Variants in RBM18 observed in about 807,000 individuals in gnomAD.
The protein encoded by RBM18 is RNA binding motif protein 18.
A neutral mutation model predicts 26.4 loss-of-function variants in RBM18; 18 were observed. The observed-to-expected ratio is 0.68, with a 90% CI of 0.47 to 1.01. RBM18 has a LOEUF of 1.01. Among genes scored for constraint, RBM18 ranks in the 50% least tolerant of loss-of-function variants. The pLI, the probability that RBM18 is intolerant of heterozygous loss-of-function variation, is 0.00. For synonymous variants in RBM18, 74 were observed against 81.1 expected (o/e 0.91, Z 0.47); for missense variants, 180 against 219.2 (o/e 0.82, Z 1.13).
intron 2 of RBM18, among the ~76,000 whole-genome samples, chr9:122,258,916 A>AC (rs1831741974): frequency 6.6e-6 from 1 of 151,504 alleles, no homozygotes; most frequent in South Asian, 2.1e-4. Flanking sequence ...GTCAAAAAAA[A>AC]AAAAAAAAAA....
chr9:122,255,885 G>A (rs1189948295), intron 2 of RBM18, among the ~76,000 whole-genome samples: 1 of 152,112 alleles, frequency 6.6e-6, no homozygotes, highest in Non-Finnish European at 1.5e-5. Context: ...TGTACTCCCA[G>A]CTACTCGGGA....
At position 122,241,667 on chromosome 9, in the gene RBM18, T is replaced by G; in HGVS notation, c.*217A>C. On this transcript the variant is annotated 3_prime_UTR_variant, in exon 6 of 6. Coordinates refer to ENST00000417201, the MANE Select transcript of RBM18 (RefSeq NM_033117.4). ...GAGCATCCCAGGGTTCAAATCACAATTTGGGATACAACGCTATTTATTCTG... is the reference window on the plus strand; with the variant it reads ...GAGCATCCCAGGGTTCAAATCACAAGTTGGGATACAACGCTATTTATTCTG... 1 of 425,526 alleles carries G rather than the reference T, an allele frequency of 2.4e-6. No individual in the cohort carries two copies. The allele number at this position is 425,526 out of a possible 1,614,324, so 26.4% of individuals were successfully genotyped here.
In RBM18 at chr9:122,261,449, A is replaced by G; in HGVS notation, c.44T>C (p.Ile15Thr). The change falls in exon 2 of 6, where the codon ATC (isoleucine) becomes ACC (threonine). Residue 15 changes from isoleucine (I) to threonine (T), a missense_variant. Coordinates refer to ENST00000417201, the MANE Select transcript of RBM18 (RefSeq NM_033117.4). ...TTCCTGCAGAGAGCCCTCTGAAAGGATGGATGCATTCTCCAGGGGAAGAGT... is the reference window on the plus strand; with the variant it reads ...TTCCTGCAGAGAGCCCTCTGAAAGGGTGGATGCATTCTCCAGGGGAAGAGT... ...TKTLPLENAS[I>T]LSEGSLQEGH... The G allele has an allele frequency of 1.2e-6, 2 of 1,614,196 alleles. No homozygotes were observed. The highest frequency in any genetic ancestry group is 1.7e-6 in the Non-Finnish European group (2 of 1,180,008).
intron 5 of RBM18, among the ~76,000 whole-genome samples, chr9:122,244,801 T>C (rs1314446808): frequency 6.6e-6 from 1 of 152,220 alleles, no homozygotes; most frequent in East Asian, 1.9e-4. Context: ...AACTAACAAT[T>C]TGTACAAACT....
intron 2 of RBM18, among the ~76,000 whole-genome samples, chr9:122,259,838 C>A (rs924269410): frequency 1.3e-5 from 2 of 152,024 alleles, no homozygotes; most frequent in Non-Finnish European, 2.9e-5. Context: ...GGACTACAGG[C>A]ATGCACCACC....
At chr9:122,250,068 T>TTAAAAAAAAAAA (rs777019914) in intron 3 of RBM18, among the ~76,000 whole-genome samples, 11 of 107,178 alleles carry the variant, frequency 1.0e-4, no homozygotes, top group Non-Finnish European at 1.4e-4. Context: ...AGACCTTATT[T>TTAAAAAAAAAAA]AAAAAAAAAA....
At chr9:122,254,165 A>G (rs191601915) in intron 2 of RBM18, 1 of 164,286 alleles carries the variant, frequency 6.1e-6, no homozygotes, top group East Asian at 1.9e-4. Context: ...CACGATTGGC[A>G]TTTCCTAAGA....
In RBM18 at chr9:122,240,051, A is replaced by G. The variant is rs1276339703; in HGVS notation, c.*1833T>C. On this transcript the variant is annotated 3_prime_UTR_variant, in exon 6 of 6. Coordinates refer to ENST00000417201, the MANE Select transcript of RBM18 (RefSeq NM_033117.4). Reference sequence around the variant, plus strand: ...TTCACACAGAGGGATAAGAATCAGTACAAATAATAAACAGTGCTTTAAATA... The same window carrying G: ...TTCACACAGAGGGATAAGAATCAGTGCAAATAATAAACAGTGCTTTAAATA... 1 of 152,270 alleles carries G rather than the reference A, an allele frequency of 6.6e-6. No homozygotes were observed. The allele number at this position is 152,270 out of a possible 1,614,324, so 9.4% of individuals were successfully genotyped here. A position where few individuals can be genotyped will look rare whatever the true frequency, so the allele number is the denominator to read the frequency against.
In RBM18 at chr9:122,264,790, G is replaced by C. The variant is rs1331571979; in HGVS notation, c.-92C>G. 6.6e-6 allele frequency: 1 copy of C among 152,362 alleles called. No individual in the cohort carries two copies. Among genetic ancestry groups the C allele is most frequent in the African/African-American group, 2.4e-5 (1 of 41,440 alleles). The allele number at this position is 152,362 out of a possible 1,614,324, so 9.4% of individuals were successfully genotyped here. Reference sequence around the variant, plus strand: ...GACGCCGCGGTCAGACGGACCTCTAGACGCGTCCGCCTCAATGCCGCCAGC... The same window carrying C: ...GACGCCGCGGTCAGACGGACCTCTACACGCGTCCGCCTCAATGCCGCCAGC... On this transcript the variant is annotated 5_prime_UTR_variant, in exon 1 of 6. Coordinates refer to ENST00000417201, the MANE Select transcript of RBM18 (RefSeq NM_033117.4).
chr9:122,242,197 C>T (rs1831432321), intron 5 of RBM18, among the ~76,000 whole-genome samples, 154 bp from the exon 6 acceptor site: 1 of 152,158 alleles, frequency 6.6e-6, no homozygotes. Context: ...CCAGAAATAA[C>T]TAATTCTCTC....
At chr9:122,242,109 C>A in intron 5 of RBM18, 66 bp from the exon 6 acceptor site, 1 of 1,493,878 alleles carries the variant, frequency 6.7e-7, no homozygotes, top group Non-Finnish European at 9.1e-7. Context: ...TGTACAGTTC[C>A]TCTCCTTGAG....
At chr9:122,255,842 C>T (rs1171869787) in intron 2 of RBM18, among the ~76,000 whole-genome samples, 2 of 151,984 alleles carry the variant, frequency 1.3e-5, no homozygotes, top group African/African-American at 4.8e-5. Context: ...CTCGTCTCTA[C>T]AAAAAAATTA....
chr9:122,257,142 C>G (rs1331763641), intron 2 of RBM18, among the ~76,000 whole-genome samples: 1 of 152,172 alleles, frequency 6.6e-6, no homozygotes, highest in Non-Finnish European at 1.5e-5. Context: ...GCGGCGCGAT[C>G]TCGGCTCACT....
rs1564453194 is a variant in RBM18, at chr9:122,240,096, T to C, written c.*1788A>G. The C allele has an allele frequency of 6.6e-6, 1 of 152,262 alleles. No individual in the cohort carries two copies. Among genetic ancestry groups the C allele is most frequent in the African/African-American group, 2.4e-5 (1 of 41,464 alleles). 9.4% of individuals were successfully genotyped at this position (152,262 alleles called of 1,614,324 possible). A position where few individuals can be genotyped will look rare whatever the true frequency, so the allele number is the denominator to read the frequency against. On this transcript the variant is annotated 3_prime_UTR_variant, in exon 6 of 6. Coordinates refer to ENST00000417201, the MANE Select transcript of RBM18 (RefSeq NM_033117.4). ...TAAATACAAATAAATAGCTCTGGTT[T>C]CTAAAGGAAACAACTCTATATATAA...
In RBM18 at chr9:122,250,068, T is replaced by TAAAAAA. The variant is rs59558933; in HGVS notation, c.240+1773_240+1778dup. On this transcript the variant is annotated intron_variant, in intron 3 of 5. Coordinates refer to ENST00000417201, the MANE Select transcript of RBM18 (RefSeq NM_033117.4). ...CTGGGTAACAGAGCAAGACCTTATT[T>TAAAAAA]AAAAAAAAAAAAGAATGCTAATTCT... Among the ~76,000 whole-genome samples, 16 of 107,160 alleles carry TAAAAAA rather than the reference T, an allele frequency of 1.5e-4. 5 individuals carry two copies. The highest frequency in any genetic ancestry group is 5.5e-4 in the East Asian group (2 of 3,662). The allele number at this position is 107,160 out of a possible 152,430, so 70.3% of individuals were successfully genotyped here. A position where few individuals can be genotyped will look rare whatever the true frequency, so the allele number is the denominator to read the frequency against.
intron 2 of RBM18, among the ~76,000 whole-genome samples, chr9:122,257,538 G>A (rs369415929): frequency 1.3e-5 from 2 of 152,152 alleles, no homozygotes; most frequent in South Asian, 4.1e-4. Flanking sequence ...ATATTCTGTT[G>A]GGAGGAGACT....
At chr9:122,251,998 G>A (rs752271340) in intron 2 of RBM18, 25 bp from the exon 3 acceptor site, 5 of 1,612,598 alleles carry the variant, frequency 3.1e-6, no homozygotes, top group Non-Finnish European at 4.2e-6. Flanking sequence ...GAGTCCATGA[G>A]TATGCTCTGG....
In RBM18 at chr9:122,239,028, A is replaced by AT. The variant is rs1564452740; in HGVS notation, c.*2855dup. 2 of 152,322 alleles carry AT rather than the reference A, an allele frequency of 1.3e-5. No homozygotes were observed. The highest frequency in any genetic ancestry group is 3.9e-4 in the East Asian group (2 of 5,194). The allele number at this position is 152,322 out of a possible 1,614,324, so 9.4% of individuals were successfully genotyped here. A position where few individuals can be genotyped will look rare whatever the true frequency, so the allele number is the denominator to read the frequency against. ...CTAAATCATATTTTAGGAACAAATG[A>AT]TTACATATAGGAAATGTTTGACATT... On this transcript the variant is annotated 3_prime_UTR_variant, in exon 6 of 6. Transcript: ENST00000417201.
At chr9:122,249,062 A>G (rs577790306) in intron 3 of RBM18, among the ~76,000 whole-genome samples, 12 of 152,364 alleles carry the variant, frequency 7.9e-5, no homozygotes, top group Admixed American at 2.0e-4. Flanking sequence ...GCACTCTATT[A>G]GTTCCAAAGT....
Sources: allele counts gnomAD v4.1 joint callset (sites outside exome capture counted in the v4.1 genomes callset), GRCh38; gene constraint gnomAD v4.1.1; transcripts MANE v1.5; gene names NCBI Gene and HGNC (gene_info 2026-07-23, HGNC 2026-07-21).